The following RUVBL2 variants were observed in gnomAD, a reference collection of about 807,000 sequenced individuals.
The protein encoded by RUVBL2 is ruvB-like 2.
A neutral mutation model predicts 57.9 loss-of-function variants in RUVBL2; 9 were observed. The observed-to-expected ratio is 0.16, with a 90% CI of 0.09 to 0.27. RUVBL2 has a LOEUF of 0.27. RUVBL2 is among the 10% of genes least tolerant of loss of function. The pLI is 1.00. For synonymous variants in RUVBL2, 278 were observed against 264.6 expected, an observed-to-expected ratio of 1.05 and a Z score of -0.49; for missense variants, 456 against 669.6, an observed-to-expected ratio of 0.68 and a Z score of 3.52.
Position 49,010,473 on chromosome 19 carries a change from A to ACCCCCCCCC in RUVBL2, c.664-10_664-9insCCCCCCCCC. ...GCCCTGTCTCCGCCGTTCTTCCCCC[A>ACCCCCCCCC]CCCCCGCCCCATAGACCAAGTTCGT... On this transcript the variant is annotated splice_polypyrimidine_tract_variant and intron_variant, in intron 8 of 14. Coordinates refer to ENST00000595090, the MANE Select transcript of RUVBL2 (RefSeq NM_006666.3). The ACCCCCCCCC allele has an allele frequency of 2.3e-5, 17 of 753,964 alleles. No individual in the cohort carries two copies. Among genetic ancestry groups the ACCCCCCCCC allele is most frequent in the South Asian group, 1.1e-4 (7 of 61,682 alleles). The allele number at this position is 753,964 out of a possible 1,614,324, so 46.7% of individuals were successfully genotyped here.
intron 2 of RUVBL2, among the ~76,000 whole-genome samples, chr19:48,999,899 C>T (rs1321059429): frequency 6.6e-6 from 1 of 152,204 alleles, no homozygotes; most frequent in Non-Finnish European, 1.5e-5. Context: ...GGCCCCGGCT[C>T]ACACAGAGCA....
At chr19:49,004,448 C>T in intron 4 of RUVBL2, 30 bp downstream of exon 4, 1 of 1,587,760 alleles carries the variant, frequency 6.3e-7, no homozygotes, top group South Asian at 1.1e-5. Flanking sequence ...AGGAACTCTC[C>T]TGTTTCCTGC....
intron 2 of RUVBL2, among the ~76,000 whole-genome samples, chr19:49,000,193 G>T (rs1027376819): frequency 6.6e-6 from 1 of 152,212 alleles, no homozygotes; most frequent in East Asian, 1.9e-4. Context: ...ATCAGTTAAT[G>T]TAAGATTCAG....
chr19:49,000,906 C>G (rs1470465905), intron 2 of RUVBL2, among the ~76,000 whole-genome samples: 1 of 151,818 alleles, frequency 6.6e-6, no homozygotes. Flanking sequence ...GCCTGTAATC[C>G]TAGCACTTTG....
chr19:49,004,395 C>T lies in RUVBL2; in HGVS notation c.242C>T (p.Thr81Met). 2.5e-6 allele frequency: 4 copies of T among 1,612,942 alleles called. No homozygotes were observed. The highest frequency in any genetic ancestry group is 1.1e-5 in the South Asian group (1 of 91,058). Residue 81 changes from threonine to methionine, a missense_variant, in exon 4 of 15, where the codon ACG (threonine) becomes ATG (methionine). Transcript: ENST00000595090. ...RAVLIAGQPG[T>M]GKTAIAMGMA... ...GTCCTTATTGCTGGCCAGCCGGGCACGGGGAAGACGGCCATCGCCATGGGT... is the reference window on the plus strand; with the variant it reads ...GTCCTTATTGCTGGCCAGCCGGGCATGGGGAAGACGGCCATCGCCATGGGT...
Position 49,014,571 on chromosome 19 carries a change from C to A in RUVBL2, c.1089C>A (p.Ser363Arg). 2 of 1,614,100 alleles carry A rather than the reference C, an allele frequency of 1.2e-6. No homozygotes were observed. Among genetic ancestry groups the A allele is most frequent in the Non-Finnish European group, 1.7e-6 (2 of 1,180,006 alleles). Residue 363 changes from serine to arginine, a missense_variant, in exon 12 of 15, where the codon AGC (serine) becomes AGA (arginine). Physicochemically the swap from Ser to Arg is moderately radical, Grantham distance 110 (BLOSUM62 -1). Coordinates refer to ENST00000595090, the MANE Select transcript of RUVBL2 (RefSeq NM_006666.3). ...TTATCGTCTCCACCACCCCCTACAG[C>A]GAGAAAGACACGAAGCAGATCCTCC... The part of the protein sequence containing the change: ...RLLIVSTTPY[S>R]EKDTKQILRI...
chr19:48,996,967 G>T (rs953485888), intron 1 of RUVBL2, among the ~76,000 whole-genome samples: 9 of 144,924 alleles, frequency 6.2e-5, no homozygotes, highest in South Asian at 2.2e-4. Context: ...CCAGCCTGTT[G>T]TTTTTTTTTT....
intron 6 of RUVBL2, 38 bp from the exon 7 acceptor site, chr19:49,009,738 C>G: frequency 1.3e-6 from 2 of 1,581,154 alleles, no homozygotes; most frequent in Non-Finnish European, 1.7e-6. Flanking sequence ...CATCAGGGCC[C>G]TCTCTGAGCC....
intron 1 of RUVBL2, among the ~76,000 whole-genome samples, chr19:48,998,959 G>A (rs535505930): frequency 6.6e-6 from 1 of 152,124 alleles, no homozygotes; most frequent in East Asian, 1.9e-4. Flanking sequence ...CCCAGGAGGC[G>A]GAGGTTGCAG....
At chr19:49,005,884 C>A (rs11883208) in intron 4 of RUVBL2, among the ~76,000 whole-genome samples, 2 of 152,334 alleles carry the variant, frequency 1.3e-5, no homozygotes, top group African/African-American at 4.8e-5. Flanking sequence ...GATCCACCCC[C>A]CTGCCTCGGC....
At position 49,007,027 on chromosome 19, in the gene RUVBL2, A is replaced by G; in HGVS notation, c.275A>G (p.Gln92Arg). Residue 92 changes from glutamine (Q) to arginine (R), a missense_variant, in exon 5 of 15, where the codon CAG becomes CGG. By Grantham distance (43) the Gln-to-Arg change is conservative (BLOSUM62 1). Coordinates refer to ENST00000595090, the MANE Select transcript of RUVBL2 (RefSeq NM_006666.3). Reference protein sequence around the residue: ...GKTAIAMGMAQALGPDTPFTA... With the variant: ...GKTAIAMGMARALGPDTPFTA... ...ACTGCCTCCTTCCCAGGCATGGCGC[A>G]GGCCCTGGGCCCTGACACGCCATTC... is the stretch of plus-strand genomic sequence containing the variant. 2 of 1,612,952 alleles carry G rather than the reference A, an allele frequency of 1.2e-6. No homozygotes were observed. Among genetic ancestry groups the G allele is most frequent in the South Asian group, 1.1e-5 (1 of 91,086 alleles).
At chr19:49,014,450 C>G (rs1249321443) in intron 11 of RUVBL2, 34 bp from the exon 12 acceptor site, 1 of 1,603,934 alleles carries the variant, frequency 6.2e-7, no homozygotes, top group Non-Finnish European at 8.5e-7. Flanking sequence ...GGGAACATGC[C>G]CCTGACAGCC....
intron 2 of RUVBL2, among the ~76,000 whole-genome samples, chr19:48,999,579 G>A (rs1263940266): frequency 1.3e-5 from 2 of 152,172 alleles, no homozygotes; most frequent in Non-Finnish European, 2.9e-5. Context: ...TGGGGACCAG[G>A]CTGCTATCCT....
intron 1 of RUVBL2, among the ~76,000 whole-genome samples, chr19:48,996,803 G>A (rs558543513): frequency 2.8e-4 from 42 of 148,604 alleles, no homozygotes; most frequent in Non-Finnish European, 4.9e-4. Flanking sequence ...CTGGGATTAC[G>A]GGCGTGAGCC....
In RUVBL2 at chr19:49,015,158, G is replaced by A. The variant is rs746471170; in HGVS notation, c.1251+8G>A. 27 of 1,604,040 alleles carry A rather than the reference G, an allele frequency of 1.7e-5. No individual in the cohort carries two copies. The Admixed American group carries it at 1.8e-4, about 11-fold the overall frequency. On this transcript the variant is annotated splice_region_variant and intron_variant, in intron 13 of 14. Coordinates refer to ENST00000595090, the MANE Select transcript of RUVBL2 (RefSeq NM_006666.3). Reference sequence around the variant, plus strand: ...GTGTGCCGGAAACGCAAGGTCAGCCGGCCGAATTAGCCAGCAGGGCCAGAT... The same window carrying A: ...GTGTGCCGGAAACGCAAGGTCAGCCAGCCGAATTAGCCAGCAGGGCCAGAT...
chr19:49,010,009 C>A lies in RUVBL2; in HGVS notation c.606C>A (p.Ile202=). The A allele has an allele frequency of 6.3e-7, 1 of 1,591,852 alleles. No individual in the cohort carries two copies. Among genetic ancestry groups the A allele is most frequent in the South Asian group, 1.1e-5 (1 of 88,150 alleles). ...CCATCGACAAGGCGACGGGCAAGAT[C>A]TCCAAGCTGGGCCGCTCCTTCACAC... ...VITIDKATGK[I]SKLGRSFTRA... Residue 202 remains isoleucine, a synonymous_variant, in exon 8 of 15, where the codon ATC becomes ATA. Coordinates refer to ENST00000595090, the MANE Select transcript of RUVBL2 (RefSeq NM_006666.3).
chr19:49,004,151 CT>C (rs1568635618), intron 3 of RUVBL2, 125 bp from the exon 4 acceptor site: 1 of 666,278 alleles, frequency 1.5e-6, no homozygotes. Flanking sequence ...GCAGGGAAAG[CT>C]TTTTTGGCTT....
chr19:49,011,364 G>A lies in RUVBL2; in HGVS notation c.1001+54G>A, dbSNP rs1292424376. The stretch of plus-strand genomic sequence containing the variant: ...AAACAGGATGCTCTGGGCAGTGGGT[G>A]TGGTCAGAGGGTCAATGGGAGCCTG... On this transcript the variant is annotated intron_variant, in intron 11 of 14. Transcript: ENST00000595090. The surrounding 1 kb of genome is among the most constrained non-coding windows in gnomAD (Gnocchi z 4.4). The A allele has an allele frequency of 1.4e-6, 2 of 1,412,518 alleles. No individual in the cohort carries two copies. The highest frequency in any genetic ancestry group is 2.0e-6 in the Non-Finnish European group (2 of 1,000,850). The allele number at this position is 1,412,518 out of a possible 1,614,324, so 87.5% of individuals were successfully genotyped here.
At chr19:48,995,637 C>T (rs1450345671) in intron 1 of RUVBL2, among the ~76,000 whole-genome samples, 2 of 151,390 alleles carry the variant, frequency 1.3e-5, no homozygotes, top group Non-Finnish European at 2.9e-5. Flanking sequence ...TTGCTTGAGC[C>T]CAGGAATTTA....
Sources: allele counts gnomAD v4.1 joint callset (sites outside exome capture counted in the v4.1 genomes callset), GRCh38; gene constraint gnomAD v4.1.1; non-coding constraint Gnocchi (gnomAD v3.1); transcripts MANE v1.5; gene names NCBI Gene and HGNC (gene_info 2026-07-23, HGNC 2026-07-21).